The following ELP4 variants were observed in gnomAD, a reference collection of about 807,000 sequenced individuals.
ELP4 encodes elongator complex protein 4.
In ELP4, 51 loss-of-function variants were observed where a neutral mutation model predicts 48.9. That is an observed-to-expected ratio of 1.04 (90% CI 0.83 to 1.32). The LOEUF is 1.32. ELP4 is among the 40% of genes most tolerant of loss of function. The pLI, the probability that ELP4 is intolerant of heterozygous loss-of-function variation, is 0.00. For missense variants in ELP4, 519 were observed against 514.6 expected, an observed-to-expected ratio of 1.01 and a Z score of -0.08; for synonymous variants, 210 against 189.2, an observed-to-expected ratio of 1.11 and a Z score of -0.90.
intron 9 of ELP4, among the ~76,000 whole-genome samples, chr11:31,756,858 A>G (rs186782825): frequency 6.6e-6 from 1 of 152,354 alleles, no homozygotes; most frequent in African/African-American, 2.4e-5. Context: ...ATAAATATCC[A>G]TTAACTGAAA....
chr11:31,742,915 G>A (rs1947489683), intron 9 of ELP4, among the ~76,000 whole-genome samples: 1 of 152,160 alleles, frequency 6.6e-6, no homozygotes, highest in Admixed American at 6.5e-5. Flanking sequence ...AACTTTAAAT[G>A]TAAATGGGCT....
At chr11:31,682,108 T>C in intron 9 of ELP4, 1 of 1,238,018 alleles carries the variant, frequency 8.1e-7, no homozygotes, top group Non-Finnish European at 1.0e-6. Flanking sequence ...TTAGTGCTTC[T>C]GTAATGTCAG....
At chr11:31,580,341 G>A (rs1027026408) in intron 3 of ELP4, among the ~76,000 whole-genome samples, 5 of 152,132 alleles carry the variant, frequency 3.3e-5, no homozygotes, top group Non-Finnish European at 7.3e-5. Context: ...TGTGAAATAG[G>A]AGGTTGTTTT....
chr11:31,550,487 A>G (rs2133926962), intron 3 of ELP4, among the ~76,000 whole-genome samples: 1 of 152,328 alleles, frequency 6.6e-6, no homozygotes, highest in South Asian at 2.1e-4. Context: ...TGATGATACC[A>G]GCCATTCAGT....
intron 7 of ELP4, chr11:31,646,118 G>C (rs1203380144): frequency 6.6e-6 from 1 of 151,652 alleles, no homozygotes; most frequent in African/African-American, 2.4e-5. Flanking sequence ...ACCATCCCCT[G>C]TGGCACAGAA....
At position 31,749,551 on chromosome 11, in the gene ELP4, T is replaced by C. The variant is rs550899898; in HGVS notation, c.1144-33842T>C. 2.6e-5 allele frequency among the ~76,000 whole-genome samples: 4 copies of C among 152,344 alleles called. No homozygotes were observed. In the South Asian group the frequency reaches 8.3e-4, roughly 32 times the overall value. ...TTCCTCTGTCAGTGATTTCTAATTT[T>C]AACCAATGATCTTTAAAACATCGAT... On this transcript the variant is annotated intron_variant, in intron 9 of 9. Transcript: ENST00000640961.
intron 3 of ELP4, among the ~76,000 whole-genome samples, chr11:31,573,812 A>T (rs1957223986): frequency 6.6e-6 from 1 of 150,662 alleles, no homozygotes; most frequent in South Asian, 2.1e-4. Context: ...TTCTCCAACT[A>T]CCATCTCATT....
chr11:31,650,819 C>A (rs569649947), intron 9 of ELP4: 2 of 151,714 alleles, frequency 1.3e-5, no homozygotes, highest in Admixed American at 6.6e-5. Flanking sequence ...GAACAGAGAA[C>A]TATTAAGGAA....
intron 9 of ELP4, among the ~76,000 whole-genome samples, chr11:31,772,294 GTTTTTGCA>G (rs1292470418): frequency 6.6e-6 from 1 of 151,944 alleles, no homozygotes; most frequent in African/African-American, 2.4e-5. Context: ...TGCCCGGCTA[GTTTTTGCA>G]TTTTTGGTAG....
intron 3 of ELP4, among the ~76,000 whole-genome samples, chr11:31,558,029 T>C (rs1006039711): frequency 1.3e-5 from 2 of 152,060 alleles, no homozygotes; most frequent in African/African-American, 2.4e-5. Flanking sequence ...CCCTTTTTTG[T>C]CAATATTTTA....
At chr11:31,539,550 T>C in intron 2 of ELP4, 112 bp from the exon 3 acceptor site, 1 of 1,098,702 alleles carries the variant, frequency 9.1e-7, no homozygotes, top group South Asian at 1.9e-5. Context: ...CCACCTCATA[T>C]ACTTGTTTTA....
chr11:31,509,939 C>T lies in ELP4; in HGVS notation c.155C>T (p.Thr52Met), dbSNP rs759974244. The T allele has an allele frequency of 1.3e-5, 21 of 1,613,448 alleles. No homozygotes were observed. Among genetic ancestry groups the T allele is most frequent in the Admixed American group, 5.0e-5 (3 of 59,998 alleles). Residue 52 changes from threonine to methionine, a missense_variant, in exon 1 of 10, where the codon ACG becomes ATG. Transcript: ENST00000640961. ...CCTCGACTGGTGTCCATTGCGGGCACGCGACCGTCGGTGCGGAATGGACAG... is the reference window on the plus strand; with the variant it reads ...CCTCGACTGGTGTCCATTGCGGGCATGCGACCGTCGGTGCGGAATGGACAG... ...SGPRLVSIAGTRPSVRNGQLL... is the reference protein window; with the variant it reads ...SGPRLVSIAGMRPSVRNGQLL...
At chr11:31,764,832 T>C (rs929375030) in intron 9 of ELP4, among the ~76,000 whole-genome samples, 16 of 152,308 alleles carry the variant, frequency 1.1e-4, no homozygotes, top group Admixed American at 3.9e-4. Context: ...GGTTTTATTA[T>C]TTTTTCAACA....
chr11:31,767,437 T>TC (rs1195332384), intron 9 of ELP4: 8 of 150,042 alleles, frequency 5.3e-5, no homozygotes, highest in African/African-American at 2.0e-4. Context: ...TGGGGGGAAA[T>TC]CCCCCACATA....
intron 5 of ELP4, among the ~76,000 whole-genome samples, chr11:31,604,226 A>T (rs1483472610): frequency 6.6e-6 from 1 of 151,832 alleles, no homozygotes; most frequent in East Asian, 1.9e-4. Flanking sequence ...TTTCAGCTTT[A>T]AATGCAAATA....
At chr11:31,510,420 C>G (rs941169560) in intron 1 of ELP4, 16 of 415,334 alleles carry the variant, frequency 3.9e-5, no homozygotes, top group Non-Finnish European at 6.0e-5. Flanking sequence ...TTGTGAGAGA[C>G]AGACTTCATT....
intron 9 of ELP4, among the ~76,000 whole-genome samples, chr11:31,724,046 A>T (rs1462082154): frequency 6.6e-6 from 1 of 152,236 alleles, no homozygotes; most frequent in Non-Finnish European, 1.5e-5. Flanking sequence ...AAAACTTTCT[A>T]TAGATGGCTG....
chr11:31,574,988 C>G (rs905002569), intron 3 of ELP4, among the ~76,000 whole-genome samples: 1 of 152,170 alleles, frequency 6.6e-6, no homozygotes, highest in Non-Finnish European at 1.5e-5. Flanking sequence ...TAATAAACTT[C>G]TCCAAGCTAA....
intron 9 of ELP4, among the ~76,000 whole-genome samples, chr11:31,683,642 A>G (rs531801956): frequency 1.3e-5 from 2 of 152,320 alleles, no homozygotes; most frequent in South Asian, 4.1e-4. Flanking sequence ...TTTATGGTCT[A>G]TTAAGATAAT....
Sources: gnomAD v4.1 joint callset for allele counts (sites outside exome capture counted in the v4.1 genomes callset) on GRCh38, gnomAD v4.1.1 for gene constraint, MANE v1.5 for transcripts, NCBI Gene and HGNC (gene_info 2026-07-23, HGNC 2026-07-21) for gene names.